CAMTA1: variants seen among roughly 807,000 people sequenced by gnomAD.
CAMTA1 encodes the protein calmodulin-binding transcription activator 1.
A neutral mutation model predicts 170.9 loss-of-function variants in CAMTA1; 27 were observed. The ratio of observed to expected loss-of-function variants is 0.16; its 90% confidence interval spans 0.12 to 0.22. The LOEUF (loss-of-function observed/expected upper bound fraction) is 0.22. Among genes scored for constraint, CAMTA1 ranks in the 10% least tolerant of loss-of-function variants. The pLI is 1.00. For missense variants in CAMTA1, 1,619 were observed against 2,217.2 expected (o/e 0.73, Z 5.42); for synonymous variants, 833 against 891.5 (o/e 0.93, Z 1.17).
At chr1:6,841,881 A>T (rs115181382) in intron 3 of CAMTA1, among the ~76,000 whole-genome samples, 2,230 of 152,306 alleles carry the variant, frequency 0.015, 49 homozygotes, top group African/African-American at 0.051. Context: ...AGTGGACAGG[A>T]TCCTTGTCAG....
intron 3 of CAMTA1, among the ~76,000 whole-genome samples, chr1:6,846,968 G>A (rs553575876): frequency 5.7e-4 from 86 of 152,162 alleles, no homozygotes; most frequent in Admixed American, 9.2e-4. Flanking sequence ...GCGGCAAAAA[G>A]GAGCAGTGAT....
At chr1:7,275,078 G>T (rs1408067688) in intron 5 of CAMTA1, among the ~76,000 whole-genome samples, 1 of 141,194 alleles carries the variant, frequency 7.1e-6, no homozygotes, top group African/African-American at 2.6e-5. Flanking sequence ...GGAGGCGGAG[G>T]TTGCAGTGAG....
chr1:6,857,439 A>G (rs1462451803), intron 3 of CAMTA1, among the ~76,000 whole-genome samples: 2 of 152,228 alleles, frequency 1.3e-5, no homozygotes, highest in African/African-American at 2.4e-5. Flanking sequence ...TTTGCAGATG[A>G]AGAAGGCTTT....
At chr1:7,204,822 C>CT (rs1400714988) in intron 4 of CAMTA1, among the ~76,000 whole-genome samples, 4 of 111,576 alleles carry the variant, frequency 3.6e-5, no homozygotes, top group Non-Finnish European at 5.5e-5. Flanking sequence ...TTTTTTTTTT[C>CT]TTTTTTTCTT....
chr1:7,733,810 G>T (rs947851324), intron 12 of CAMTA1, among the ~76,000 whole-genome samples: 1 of 152,044 alleles, frequency 6.6e-6, no homozygotes, highest in Non-Finnish European at 1.5e-5. Flanking sequence ...TAAATAATAG[G>T]TTAAAAGAAC....
At chr1:7,091,493 T>A in intron 4 of CAMTA1, 122 bp downstream of exon 4, 2 of 752,024 alleles carry the variant, frequency 2.7e-6, no homozygotes, top group Non-Finnish European at 4.8e-6. Context: ...TTGTGCTGGA[T>A]GGCTTTCGAC....
intron 5 of CAMTA1, among the ~76,000 whole-genome samples, chr1:7,410,904 T>A (rs1169116122): frequency 7.7e-5 from 10 of 130,038 alleles, no homozygotes; most frequent in Non-Finnish European, 7.7e-5. Context: ...CGTCTGTGTG[T>A]GTGTGTGTGT....
Position 6,936,562 on chromosome 1 carries a change from C to T in CAMTA1, c.234+111352C>T, listed in dbSNP as rs1218666810. 2.6e-5 allele frequency among the ~76,000 whole-genome samples: 4 copies of T among 152,142 alleles called. No homozygotes were observed. In the East Asian group the frequency reaches 7.7e-4, roughly 29 times the overall value. On this transcript the variant is annotated intron_variant, in intron 3 of 22. Coordinates refer to ENST00000303635, the MANE Select transcript of CAMTA1 (RefSeq NM_015215.4). ...ACCTTCTCTTTGATGAATAAGGATTCAAGATTGTATCTGCTGAGCCTGCAG... is the reference window on the plus strand; with the variant it reads ...ACCTTCTCTTTGATGAATAAGGATTTAAGATTGTATCTGCTGAGCCTGCAG...
intron 5 of CAMTA1, among the ~76,000 whole-genome samples, chr1:7,423,343 G>C (rs2091689221): frequency 3.9e-5 from 6 of 152,056 alleles, no homozygotes; most frequent in Non-Finnish European, 8.8e-5. Flanking sequence ...GGTGGTGGGT[G>C]CCTGTAATCC....
intron 6 of CAMTA1, among the ~76,000 whole-genome samples, chr1:7,594,607 C>T (rs2095384460): frequency 6.6e-6 from 1 of 152,216 alleles, no homozygotes; most frequent in South Asian, 2.1e-4. Context: ...AAGGCCCTCT[C>T]AGGGTCCAGA....
chr1:7,601,969 TGTGGGGAGAGGGAGACC>T (rs1200062861), intron 6 of CAMTA1, among the ~76,000 whole-genome samples: 3 of 103,636 alleles, frequency 2.9e-5, no homozygotes, highest in African/African-American at 1.2e-4. Flanking sequence ...AGAGGGAGAC[TGTGGGGAGAGGGAGACC>T]GTGGGGAGAG....
At chr1:7,176,998 A>G (rs992588676) in intron 4 of CAMTA1, among the ~76,000 whole-genome samples, 1 of 152,062 alleles carries the variant, frequency 6.6e-6, no homozygotes, top group African/African-American at 2.4e-5. Context: ...GAGCATCTGC[A>G]TAACGGGGTG....
intron 6 of CAMTA1, among the ~76,000 whole-genome samples, chr1:7,487,908 C>G (rs1487153573): frequency 6.6e-6 from 1 of 152,178 alleles, no homozygotes; most frequent in Admixed American, 6.5e-5. Context: ...GCCTCAGGAC[C>G]CCAGGCCCTG....
At chr1:7,355,725 C>T (rs75150343) in intron 5 of CAMTA1, among the ~76,000 whole-genome samples, 6,624 of 152,290 alleles carry the variant, frequency 0.043, 480 homozygotes, top group African/African-American at 0.15. Flanking sequence ...TAAACCCCTG[C>T]CATGGCCTTC....
intron 4 of CAMTA1, among the ~76,000 whole-genome samples, chr1:7,239,130 A>G (rs1005980011): frequency 6.6e-6 from 1 of 152,172 alleles, no homozygotes; most frequent in African/African-American, 2.4e-5. Context: ...CATTATTTGG[A>G]AGCATCTCTC....
At chr1:7,040,043 T>C (rs1357811104) in intron 3 of CAMTA1, among the ~76,000 whole-genome samples, 1 of 152,136 alleles carries the variant, frequency 6.6e-6, no homozygotes, top group Non-Finnish European at 1.5e-5. Context: ...GCTTGGATAC[T>C]TCAATCTTCT....
rs191712060 is a variant in CAMTA1 at position 6,800,890 on chromosome 1, T to C, written c.45+15315T>C. ...ATACTGAGAGGCAAGTTGAAGTTCC[T>C]GGTGTTCGTGTAAACATTCCCTGCC... On this transcript the variant is annotated intron_variant, in intron 1 of 22. Coordinates refer to ENST00000303635, the MANE Select transcript of CAMTA1 (RefSeq NM_015215.4). Among the ~76,000 whole-genome samples the C allele has an allele frequency of 2.2e-3, 333 of 152,354 alleles. 1 individual carries two copies. The highest frequency in any genetic ancestry group is 7.6e-3 in the African/African-American group (314 of 41,580).
intron 4 of CAMTA1, among the ~76,000 whole-genome samples, chr1:7,172,183 G>A (rs1332824314): frequency 1.3e-5 from 2 of 151,550 alleles, no homozygotes; most frequent in African/African-American, 4.9e-5. Flanking sequence ...ATGGAGTCTC[G>A]CTGTTGCCCA....
intron 6 of CAMTA1, among the ~76,000 whole-genome samples, chr1:7,492,806 CAT>C (rs1482239040): frequency 1.3e-4 from 18 of 137,310 alleles, no homozygotes; most frequent in East Asian, 2.8e-4. Flanking sequence ...TACGTATACA[CAT>C]GCGCGCACAG....
Sources: allele counts gnomAD v4.1 joint callset (sites outside exome capture counted in the v4.1 genomes callset), GRCh38; gene constraint gnomAD v4.1.1; transcripts MANE v1.5; gene names NCBI Gene and HGNC (gene_info 2026-07-23, HGNC 2026-07-21).